The following UBE3D variants were observed in gnomAD, a reference collection of about 807,000 sequenced individuals.
The protein encoded by UBE3D is ubiquitin protein ligase E3D, also known as E3 ubiquitin-protein ligase E3D.
Under a neutral mutation model 49.6 loss-of-function variants are expected in UBE3D, and 48 were observed. That is an observed-to-expected ratio of 0.97 (90% CI 0.77 to 1.23). The LOEUF (loss-of-function observed/expected upper bound fraction) is 1.23, where lower values mean the gene tolerates loss of function less well. Ranked by LOEUF, UBE3D falls within the 50% of genes most tolerant of loss-of-function variation. The pLI is 0.00. For synonymous variants in UBE3D, 189 were observed against 174.2 expected (o/e 1.08, Z -0.67); for missense variants, 452 against 468.4 (o/e 0.96, Z 0.32).
intron 8 of UBE3D, among the ~76,000 whole-genome samples, chr6:82,993,293 T>C (rs1182214662): frequency 6.6e-6 from 1 of 152,156 alleles, no homozygotes; most frequent in Non-Finnish European, 1.5e-5. Context: ...TCCAATCTTT[T>C]CCTCTTGCAC....
chr6:83,054,526 G>A (rs887683449), intron 2 of UBE3D, among the ~76,000 whole-genome samples: 8 of 152,178 alleles, frequency 5.3e-5, no homozygotes, highest in Non-Finnish European at 1.2e-4. Context: ...TTAAGGATGA[G>A]TGAAAAAGAA....
chr6:82,945,907 G>A (rs1775368958), intron 9 of UBE3D, among the ~76,000 whole-genome samples: 1 of 152,110 alleles, frequency 6.6e-6, no homozygotes, highest in Non-Finnish European at 1.5e-5. Context: ...CTTAATAGGA[G>A]AATTGATTAA....
intron 3 of UBE3D, among the ~76,000 whole-genome samples, chr6:83,048,644 T>C (rs1434401858): frequency 6.6e-6 from 1 of 152,178 alleles, no homozygotes; most frequent in African/African-American, 2.4e-5. Flanking sequence ...AGCTATAATA[T>C]GTCCTAGAAC....
At chr6:82,966,185 T>C (rs1204775418) in intron 8 of UBE3D, among the ~76,000 whole-genome samples, 1 of 152,116 alleles carries the variant, frequency 6.6e-6, no homozygotes, top group Non-Finnish European at 1.5e-5. Context: ...ATTCCATTTA[T>C]ATAAAATGCT....
chr6:83,022,626 C>CA (rs1781186680), intron 6 of UBE3D, 65 bp from the exon 7 acceptor site: 3 of 1,157,774 alleles, frequency 2.6e-6, no homozygotes, highest in Admixed American at 6.1e-5. Context: ...GCAAGATAAG[C>CA]AAAAAATACA....
chr6:82,949,470 C>A (rs937020812), intron 9 of UBE3D, among the ~76,000 whole-genome samples: 9 of 151,628 alleles, frequency 5.9e-5, no homozygotes, highest in Middle Eastern at 6.8e-3. Flanking sequence ...TCAATGCAAT[C>A]ACTGCCTAAA....
intron 3 of UBE3D, among the ~76,000 whole-genome samples, chr6:83,052,468 C>T (rs1236912441): frequency 2.0e-5 from 3 of 152,118 alleles, no homozygotes; most frequent in African/African-American, 7.2e-5. Flanking sequence ...CCTGTCCCGT[C>T]AGCTGAATTC....
At chr6:82,920,308 G>C (rs1049987444) in intron 9 of UBE3D, among the ~76,000 whole-genome samples, 18 of 152,146 alleles carry the variant, frequency 1.2e-4, no homozygotes, top group Admixed American at 2.0e-4. Context: ...TATTTTAAGA[G>C]TAATTTTTCT....
intron 9 of UBE3D, among the ~76,000 whole-genome samples, chr6:82,920,174 A>G (rs991350289): frequency 2.0e-5 from 3 of 152,214 alleles, no homozygotes; most frequent in East Asian, 3.9e-4. Flanking sequence ...TTTGAGATGA[A>G]TTATGAAACA....
In UBE3D at chr6:82,937,600, G is replaced by A. The variant is rs573291641; in HGVS notation, c.1149+19712C>T. On this transcript the variant is annotated intron_variant, in intron 9 of 9. Coordinates refer to ENST00000369747, the MANE Select transcript of UBE3D (RefSeq NM_198920.3). Reference sequence around the variant, plus strand: ...GCTCACATTTTAGAAATCTTTCTTGGAGTAACTATACTTATAAGTAAAATA... The same window carrying A: ...GCTCACATTTTAGAAATCTTTCTTGAAGTAACTATACTTATAAGTAAAATA... Among the ~76,000 whole-genome samples the A allele has an allele frequency of 2.0e-5, 3 of 152,254 alleles. No individual in the cohort carries two copies. The South Asian group carries it at 6.2e-4, about 32-fold the overall frequency.
chr6:83,021,588 T>C lies in UBE3D; in HGVS notation c.846+865A>G, dbSNP rs112961914. ...TGAGAGTAAAAAACTTGATTTTGGC[T>C]GGGCGTGGTGGCTCATGCCTGTAAT... On this transcript the variant is annotated intron_variant, in intron 7 of 9. Transcript: ENST00000369747. 9.6e-3 allele frequency among the ~76,000 whole-genome samples: 1,459 copies of C among 151,634 alleles called. 22 individuals are homozygous for C. The highest frequency in any genetic ancestry group is 0.033 in the African/African-American group (1,382 of 41,314).
At chr6:83,003,948 T>C (rs1264364267) in intron 8 of UBE3D, among the ~76,000 whole-genome samples, 1 of 152,210 alleles carries the variant, frequency 6.6e-6, no homozygotes, top group African/African-American at 2.4e-5. Flanking sequence ...CAGACAAATA[T>C]GTGAAAAGTG....
intron 9 of UBE3D, among the ~76,000 whole-genome samples, chr6:82,904,999 C>A (rs1232224681): frequency 2.0e-5 from 3 of 152,114 alleles, no homozygotes; most frequent in Admixed American, 1.3e-4. Flanking sequence ...TAATGGGCAA[C>A]ACTCCTAGGG....
chr6:83,016,426 A>G (rs763572692), intron 8 of UBE3D, among the ~76,000 whole-genome samples: 2 of 152,128 alleles, frequency 1.3e-5, no homozygotes, highest in African/African-American at 2.4e-5. Flanking sequence ...TCTCCATGCT[A>G]TCAGAAGTAG....
downstream of UBE3D, among the ~76,000 whole-genome samples, chr6:82,890,099 G>C (rs569969602): frequency 4.6e-5 from 7 of 152,210 alleles, no homozygotes; most frequent in African/African-American, 1.4e-4. Context: ...ATACTCACCA[G>C]ACAGAGGAGG....
intron 3 of UBE3D, among the ~76,000 whole-genome samples, chr6:83,047,720 A>G (rs1783164176): frequency 6.6e-6 from 1 of 152,144 alleles, no homozygotes; most frequent in Non-Finnish European, 1.5e-5. Context: ...AATGCTCGCA[A>G]CAACTTTGAG....
At chr6:82,892,258 A>G (rs925793431), downstream of UBE3D, 2 of 152,262 alleles carry the variant, frequency 1.3e-5, no homozygotes, top group Non-Finnish European at 2.9e-5. Flanking sequence ...GTGTGATTCT[A>G]GGCAAGTCTC....
At chr6:83,049,111 C>G (rs991031923) in intron 3 of UBE3D, among the ~76,000 whole-genome samples, 1 of 151,884 alleles carries the variant, frequency 6.6e-6, no homozygotes, top group Non-Finnish European at 1.5e-5. Context: ...AACATATACA[C>G]AAGAAAATGC....
At chr6:83,002,038 C>A (rs1779667937) in intron 8 of UBE3D, among the ~76,000 whole-genome samples, 1 of 151,860 alleles carries the variant, frequency 6.6e-6, no homozygotes, top group Non-Finnish European at 1.5e-5. Context: ...GGTGTCTGAC[C>A]CCCACCCCAC....
Sources: allele counts gnomAD v4.1 joint callset (sites outside exome capture counted in the v4.1 genomes callset), GRCh38; gene constraint gnomAD v4.1.1; transcripts MANE v1.5; gene names NCBI Gene and HGNC (gene_info 2026-07-23, HGNC 2026-07-21).